SDC3: variants seen among roughly 807,000 people sequenced by gnomAD.
SDC3 encodes the protein syndecan-3.
Under a neutral mutation model 24.4 loss-of-function variants are expected in SDC3, and 13 were observed. The ratio of observed to expected loss-of-function variants is 0.53; its 90% CI spans 0.35 to 0.85. SDC3 has a LOEUF of 0.85. Ranked by LOEUF, SDC3 falls within the 40% of genes least tolerant of loss-of-function variation. The pLI is 0.01. For missense variants in SDC3, 571 were observed against 584.5 expected (o/e 0.98, Z 0.24); for synonymous variants, 295 against 260.9 (o/e 1.13, Z -1.26).
At chr1:30,909,517 G>T (rs982344378), upstream of SDC3, among the ~76,000 whole-genome samples, 4 of 152,166 alleles carry the variant, frequency 2.6e-5, no homozygotes, top group Non-Finnish European at 5.9e-5. Context: ...ATCTCTGAGT[G>T]GCAGTCTCTA....
At chr1:30,892,074 T>A (rs1639914290) in intron 1 of SDC3, among the ~76,000 whole-genome samples, 1 of 151,812 alleles carries the variant, frequency 6.6e-6, no homozygotes, top group Non-Finnish European at 1.5e-5. Flanking sequence ...TCCCCAGGTA[T>A]CCTGCCAGCC....
chr1:30,897,170 AG>A (rs1638285123), intron 1 of SDC3, among the ~76,000 whole-genome samples: 1 of 152,190 alleles, frequency 6.6e-6, no homozygotes, highest in South Asian at 2.1e-4. Context: ...AAAGGAACAT[AG>A]TACAGGGGAT....
chr1:30,886,731 GA>G, intron 1 of SDC3, among the ~76,000 whole-genome samples: 1 of 152,236 alleles, frequency 6.6e-6, no homozygotes, highest in Non-Finnish European at 1.5e-5. Flanking sequence ...CACTTTTCTG[GA>G]AAAGGCTGGG....
intron 1 of SDC3, among the ~76,000 whole-genome samples, chr1:30,887,378 G>A (rs561719095): frequency 5.3e-5 from 8 of 152,210 alleles, no homozygotes; most frequent in South Asian, 2.1e-4. Flanking sequence ...ACATCCCTTC[G>A]CCTCACTGGG....
rs926430579 is a variant in SDC3 at position 30,878,724 on chromosome 1, C to T, written c.155G>A (p.Ser52Asn). 11 of 1,614,078 alleles carry T rather than the reference C, an allele frequency of 6.8e-6. No individual in the cohort carries two copies. Among genetic ancestry groups the T allele is most frequent in the Non-Finnish European group, 9.3e-6 (11 of 1,180,008 alleles). ...GTCCACGGGTCTCTCGAAGTTCTCACTGCGCCAGCGCTGGGCCTAGGGAAG... is the reference window on the plus strand; with the variant it reads ...GTCCACGGGTCTCTCGAAGTTCTCATTGCGCCAGCGCTGGGCCTAGGGAAG... ...GRAAGAQRWR[S>N]ENFERPVDLE... Residue 52 changes from serine (S) to asparagine (N), a missense_variant, in exon 2 of 5, where the codon AGT becomes AAT. This residue lies in a region of SDC3 where 497 missense variants were observed against 471.6 expected (regional missense o/e 1.05). Transcript: ENST00000339394.
intron 1 of SDC3, among the ~76,000 whole-genome samples, chr1:30,900,829 G>T (rs1286126171): frequency 1.3e-5 from 2 of 151,938 alleles, no homozygotes; most frequent in Non-Finnish European, 2.9e-5. Flanking sequence ...CAGGATGGAT[G>T]GGGGGGTCCT....
chr1:30,874,738 GCC>G, intron 3 of SDC3, 150 bp from the exon 4 acceptor site: 1 of 739,494 alleles, frequency 1.4e-6, no homozygotes, highest in Non-Finnish European at 2.2e-6. Flanking sequence ...GTGTAACAAT[GCC>G]CCCAGTTTAC....
rs149952786 is a variant in SDC3, at chr1:30,874,391, C to T, written c.1068G>A (p.Pro356=). The change falls in exon 4 of 5, where the codon CCG becomes CCA. Residue 356 remains proline (P), a synonymous_variant. Coordinates refer to ENST00000339394, the MANE Select transcript of SDC3 (RefSeq NM_014654.4). The part of the protein sequence containing the change: ...PPGTLPKGAR[P]GPGLLDNAID... ...TGGCATTGTCCAGGAGGCCAGGGCC[C>T]GGGCGGGCACCCTTGGGCAGTGTCC... The T allele has an allele frequency of 3.0e-4, 483 of 1,614,050 alleles. No homozygotes were observed. Among genetic ancestry groups the T allele is most frequent in the Admixed American group, 5.5e-4 (33 of 60,024 alleles).
At chr1:30,897,816 A>G (rs898565729) in intron 1 of SDC3, among the ~76,000 whole-genome samples, 3 of 152,246 alleles carry the variant, frequency 2.0e-5, no homozygotes, top group Non-Finnish European at 4.4e-5. Context: ...GAAGATTACA[A>G]TGGCATCTCC....
chr1:30,894,353 A>T (rs1351958083), intron 1 of SDC3, among the ~76,000 whole-genome samples: 1 of 83,414 alleles, frequency 1.2e-5, no homozygotes, highest in South Asian at 4.0e-4. Flanking sequence ...TGTGTGGATG[A>T]GTGTGTGTGA....
intron 4 of SDC3, among the ~76,000 whole-genome samples, chr1:30,874,008 C>T (rs1639587014): frequency 6.6e-6 from 1 of 151,958 alleles, no homozygotes; most frequent in Admixed American, 6.6e-5. Flanking sequence ...GCCAGTGTGG[C>T]CCAGGAAAGC....
At chr1:30,884,388 CA>C (rs1250596736) in intron 1 of SDC3, among the ~76,000 whole-genome samples, 4 of 152,066 alleles carry the variant, frequency 2.6e-5, no homozygotes, top group Non-Finnish European at 5.9e-5. Context: ...CTCCCATCTA[CA>C]AAGGCAGCTC....
At chr1:30,891,176 C>T (rs1332011791) in intron 1 of SDC3, among the ~76,000 whole-genome samples, 1 of 152,246 alleles carries the variant, frequency 6.6e-6, no homozygotes, top group African/African-American at 2.4e-5. Context: ...AGGGAAGGGG[C>T]AGAGCCTATC....
At chr1:30,891,229 C>T (rs527835306) in intron 1 of SDC3, among the ~76,000 whole-genome samples, 5 of 152,238 alleles carry the variant, frequency 3.3e-5, no homozygotes, top group Admixed American at 6.5e-5. Context: ...AACTCAAGTC[C>T]ATCTGCCCTC....
chr1:30,907,308 G>GCCT (rs1638536960), intron 1 of SDC3, among the ~76,000 whole-genome samples: 1 of 152,160 alleles, frequency 6.6e-6, no homozygotes, highest in South Asian at 2.1e-4. Flanking sequence ...AGGGGGATGA[G>GCCT]GTCCTTCCTT....
chr1:30,876,427 C>T lies in SDC3; in HGVS notation c.870+125G>A, dbSNP rs74224339. On this transcript the variant is annotated intron_variant, in intron 3 of 4. Coordinates refer to ENST00000339394, the MANE Select transcript of SDC3 (RefSeq NM_014654.4). The stretch of plus-strand genomic sequence containing the variant: ...TCTGTCCCTTGGTCCTGCCCCTCGC[C>T]CCCACTTTGTCTGGCTCATCTCTAT... 8,956 of 770,718 alleles carry T rather than the reference C, an allele frequency of 0.012. 646 individuals are homozygous for T. In the East Asian group the frequency reaches 0.19, roughly 16 times the overall value. The allele number at this position is 770,718 out of a possible 1,614,324, so 47.7% of individuals were successfully genotyped here.
intron 1 of SDC3, among the ~76,000 whole-genome samples, chr1:30,892,854 A>G (rs1639926483): frequency 1.3e-5 from 2 of 152,170 alleles, no homozygotes; most frequent in South Asian, 4.1e-4. Context: ...CACCCAGCTG[A>G]CATGCAGAGG....
At chr1:30,883,784 T>A (rs1434942538) in intron 1 of SDC3, among the ~76,000 whole-genome samples, 1 of 152,052 alleles carries the variant, frequency 6.6e-6, no homozygotes, top group Non-Finnish European at 1.5e-5. Flanking sequence ...GCGGGGTTAG[T>A]CTGCCACGAA....
chr1:30,900,810 G>A (rs1415563591), intron 1 of SDC3, among the ~76,000 whole-genome samples: 1 of 152,122 alleles, frequency 6.6e-6, no homozygotes, highest in Non-Finnish European at 1.5e-5. Flanking sequence ...AGGCAGGGAT[G>A]GGGGAGGGCA....
Sources: gnomAD v4.1 joint callset for allele counts (sites outside exome capture counted in the v4.1 genomes callset) on GRCh38, gnomAD v4.1.1 for gene constraint, gnomAD v4.1.1 regional missense constraint, MANE v1.5 for transcripts, NCBI Gene and HGNC (gene_info 2026-07-23, HGNC 2026-07-21) for gene names.